Variants in TBC1D1 observed in about 807,000 individuals in gnomAD.
TBC1D1 encodes TBC1 (tre-2/USP6, BUB2, cdc16) domain family, member 1.
TBC1D1 carries 89 observed loss-of-function variants against 125.6 expected under a neutral mutation model. The observed-to-expected ratio is 0.71, with a 90% CI of 0.60 to 0.85. The LOEUF (loss-of-function observed/expected upper bound fraction) is 0.85, where lower values mean the gene tolerates loss of function less well. Ranked by LOEUF, TBC1D1 falls within the 40% of genes least tolerant of loss-of-function variation. The pLI, the probability that TBC1D1 is intolerant of heterozygous loss-of-function variation, is 0.00. For missense variants in TBC1D1, 1,377 were observed against 1,469.2 expected (o/e 0.94, Z 1.03); for synonymous variants, 565 against 564.1 (o/e 1.00, Z -0.02).
rs770556383 is a variant in TBC1D1 at position 38,090,091 on chromosome 4, T to C, written c.2210T>C (p.Met737Thr). Residue 737 changes from methionine to threonine, a missense_variant, in exon 13 of 20, where the codon ATG becomes ACG. Transcript: ENST00000261439. ...CTTCAACAGATACTGCTGCTTAGAATGGAGAAGGAAAATCAGAAGCTCCAA... is the reference window on the plus strand; with the variant it reads ...CTTCAACAGATACTGCTGCTTAGAACGGAGAAGGAAAATCAGAAGCTCCAA... 6.2e-7 allele frequency: 1 copy of C among 1,614,094 alleles called. No individual in the cohort carries two copies.
At chr4:37,933,432 TTACACA>T (rs1281218605) in intron 2 of TBC1D1, among the ~76,000 whole-genome samples, 8 of 87,682 alleles carry the variant, frequency 9.1e-5, no homozygotes, top group African/African-American at 3.8e-4. Context: ...CACATATGTT[TTACACA>T]CACACACACA....
At chr4:38,023,336 T>C (rs1184475857) in intron 6 of TBC1D1, among the ~76,000 whole-genome samples, 1 of 152,072 alleles carries the variant, frequency 6.6e-6, no homozygotes, top group Non-Finnish European at 1.5e-5. Context: ...TAAAAAAATA[T>C]AGTAAAAACA....
intron 9 of TBC1D1, among the ~76,000 whole-genome samples, chr4:38,045,444 A>G (rs1749228728): frequency 6.6e-6 from 1 of 152,206 alleles, no homozygotes; most frequent in African/African-American, 2.4e-5. Flanking sequence ...AGAGCTCCCA[A>G]AGGGATAGAG....
chr4:38,027,713 T>C, intron 6 of TBC1D1, 75 bp from the exon 7 acceptor site: 1 of 793,354 alleles, frequency 1.3e-6, no homozygotes, highest in Non-Finnish European at 2.1e-6. Flanking sequence ...AGGGGATGTG[T>C]GTGGAAGAGG....
intron 2 of TBC1D1, among the ~76,000 whole-genome samples, chr4:38,003,321 G>A (rs1215316807): frequency 1.3e-5 from 2 of 152,134 alleles, no homozygotes; most frequent in African/African-American, 4.8e-5. Context: ...GAAGGAGGGG[G>A]ACATGTTCTG....
At chr4:38,004,395 C>T (rs1739663780) in intron 2 of TBC1D1, among the ~76,000 whole-genome samples, 1 of 152,220 alleles carries the variant, frequency 6.6e-6, no homozygotes, top group Non-Finnish European at 1.5e-5. Flanking sequence ...ATGCAATTAG[C>T]AGTCCTGGCA....
At position 38,084,760 on chromosome 4, in the gene TBC1D1, A is replaced by G. The variant is rs186813046; in HGVS notation, c.2051-5172A>G. 6.9e-4 allele frequency among the ~76,000 whole-genome samples: 105 copies of G among 151,936 alleles called. 1 individual carries two copies. Among genetic ancestry groups the G allele is most frequent in the African/African-American group, 2.4e-3 (101 of 41,404 alleles). On this transcript the variant is annotated intron_variant, in intron 12 of 19. Coordinates refer to ENST00000261439, the MANE Select transcript of TBC1D1 (RefSeq NM_015173.4). The stretch of plus-strand genomic sequence containing the variant: ...TTTCGCATGGAGTTCAGAATTTTCA[A>G]GAGGGATGAAGAGAGTTATAAAATG...
chr4:37,960,961 G>T, intron 2 of TBC1D1: 2 of 1,614,172 alleles, frequency 1.2e-6, no homozygotes, highest in Non-Finnish European at 1.7e-6. Context: ...CCATGGGAAT[G>T]CAATCTGTTT....
intron 12 of TBC1D1, among the ~76,000 whole-genome samples, chr4:38,060,199 T>C (rs1427949806): frequency 6.6e-6 from 1 of 152,250 alleles, no homozygotes. Context: ...CATGCATGTA[T>C]CTTTGTAACA....
intron 17 of TBC1D1, among the ~76,000 whole-genome samples, chr4:38,124,300 T>C (rs958927589): frequency 1.3e-5 from 2 of 152,198 alleles, no homozygotes; most frequent in Non-Finnish European, 2.9e-5. Context: ...CCTTGGCCGG[T>C]GCCCTCCCTC....
At chr4:37,994,524 G>A (rs1485182226) in intron 2 of TBC1D1, among the ~76,000 whole-genome samples, 2 of 152,166 alleles carry the variant, frequency 1.3e-5, no homozygotes, top group Non-Finnish European at 2.9e-5. Context: ...GACTACAGAC[G>A]TGAACCACCA....
chr4:38,111,873 G>A (rs1210035199), intron 15 of TBC1D1: 1 of 963,288 alleles, frequency 1.0e-6, no homozygotes, highest in South Asian at 4.8e-5. Flanking sequence ...CTGCTTAACC[G>A]CTAATCAGGA....
intron 11 of TBC1D1, 30 bp from the exon 12 acceptor site, chr4:38,051,869 C>G (rs1212977870): frequency 6.5e-7 from 1 of 1,537,260 alleles, no homozygotes; most frequent in South Asian, 1.2e-5. Context: ...TCCTGCTAAC[C>G]CCCCCGTGCT....
At chr4:38,099,902 A>G (rs553975635) in intron 14 of TBC1D1, among the ~76,000 whole-genome samples, 1 of 152,356 alleles carries the variant, frequency 6.6e-6, no homozygotes, top group Non-Finnish European at 1.5e-5. Context: ...GACACAGCCA[A>G]TATTCTTTTC....
intron 12 of TBC1D1, among the ~76,000 whole-genome samples, chr4:38,088,999 C>T (rs1434097342): frequency 6.6e-6 from 1 of 152,116 alleles, no homozygotes; most frequent in Non-Finnish European, 1.5e-5. Flanking sequence ...TATAAACCCC[C>T]AAAAGATGTA....
At chr4:38,120,213 A>G (rs1763627243) in intron 17 of TBC1D1, 1 of 703,356 alleles carries the variant, frequency 1.4e-6, no homozygotes, top group African/African-American at 1.9e-5. Flanking sequence ...GATCCCACAG[A>G]CTCCTGCTGT....
chr4:38,107,206 C>T (rs1163380710), intron 15 of TBC1D1, among the ~76,000 whole-genome samples: 2 of 152,206 alleles, frequency 1.3e-5, no homozygotes, highest in Non-Finnish European at 2.9e-5. Context: ...CTGGGATTGG[C>T]CTAGACCCGG....
chr4:38,068,156 G>A (rs570988933), intron 12 of TBC1D1, among the ~76,000 whole-genome samples: 20 of 152,250 alleles, frequency 1.3e-4, no homozygotes, highest in African/African-American at 4.6e-4. Flanking sequence ...AGATATCAAG[G>A]AGGAAAGGGT....
chr4:38,067,068 G>A (rs1753872791), intron 12 of TBC1D1, among the ~76,000 whole-genome samples: 1 of 151,868 alleles, frequency 6.6e-6, no homozygotes, highest in African/African-American at 2.4e-5. Context: ...GTAAAGATGG[G>A]GTTTCACCAT....
Sources: gnomAD v4.1 joint callset for allele counts (sites outside exome capture counted in the v4.1 genomes callset) on GRCh38, gnomAD v4.1.1 for gene constraint, MANE v1.5 for transcripts, NCBI Gene and HGNC (gene_info 2026-07-23, HGNC 2026-07-21) for gene names.